Variants in ZFAT observed in about 807,000 individuals in gnomAD.
ZFAT encodes the protein zinc finger protein ZFAT.
Under a neutral mutation model 117.7 loss-of-function variants are expected in ZFAT, and 64 were observed. The observed-to-expected ratio is 0.54, with a 90% CI of 0.44 to 0.67. The LOEUF is 0.67. ZFAT is among the 30% of genes least tolerant of loss of function. The pLI, the probability that ZFAT is intolerant of heterozygous loss-of-function variation, is 0.00. For synonymous variants in ZFAT, 679 were observed against 615.0 expected (o/e 1.10, Z -1.54); for missense variants, 1,433 against 1,584.5 (o/e 0.90, Z 1.62).
chr8:134,728,414 A>G, the ZFAT span, among the ~76,000 whole-genome samples: 1 of 152,090 alleles, frequency 6.6e-6, no homozygotes, highest in Non-Finnish European at 1.5e-5. Context: ...TGCCCTTCAG[A>G]CTATCTAGTA....
chr8:134,714,418 G>A (rs1454577069), upstream of ZFAT, among the ~76,000 whole-genome samples: 1 of 152,066 alleles, frequency 6.6e-6, no homozygotes, highest in Non-Finnish European at 1.5e-5. Context: ...TGTTTTCTCA[G>A]CGCCTGTTGC....
Position 134,602,025 on chromosome 8 carries a change from G to A in ZFAT, c.1694C>T (p.Pro565Leu), listed in dbSNP as rs372568869. The A allele has an allele frequency of 1.3e-4, 210 of 1,612,012 alleles. 2 individuals are homozygous for A. The highest frequency in any genetic ancestry group is 9.7e-4 in the South Asian group (88 of 90,992). ...MPAPAVHLAS[P>L]QAESTALPPC... Reference sequence around the variant, plus strand: ...TGGCAGGGCTGTGCTTTCGGCCTGCGGGGAGGCCAGGTGCACAGCTGGGGC... The same window carrying A: ...TGGCAGGGCTGTGCTTTCGGCCTGCAGGGAGGCCAGGTGCACAGCTGGGGC... Residue 565 changes from proline (P) to leucine (L), a missense_variant, in exon 6 of 16, where the codon CCG becomes CTG. Around this residue, in one of 5 missense-constraint regions of ZFAT, gnomAD observed 372 missense variants for 355.6 expected, o/e 1.05. Coordinates refer to ENST00000377838, the MANE Select transcript of ZFAT (RefSeq NM_020863.4).
At chr8:134,744,372 G>A in the ZFAT span, among the ~76,000 whole-genome samples, 2 of 148,840 alleles carry the variant, frequency 1.3e-5, no homozygotes, top group Non-Finnish European at 3.0e-5. Flanking sequence ...CTTGGCTCAC[G>A]GCAACCTCTG....
At chr8:134,598,595 G>C (rs1028417686) in intron 7 of ZFAT, 2 of 152,312 alleles carry the variant, frequency 1.3e-5, no homozygotes, top group Admixed American at 6.5e-5. Context: ...TCACTGGGCT[G>C]AACCATGGGT....
the ZFAT span, among the ~76,000 whole-genome samples, chr8:134,728,872 T>C: frequency 6.6e-6 from 1 of 152,208 alleles, no homozygotes; most frequent in Non-Finnish European, 1.5e-5. Context: ...TTATAGTAAA[T>C]TTTTGATGCT....
intron 11 of ZFAT, among the ~76,000 whole-genome samples, chr8:134,551,138 G>A (rs1334832758): frequency 1.3e-5 from 2 of 152,164 alleles, no homozygotes; most frequent in East Asian, 1.9e-4. Context: ...AAGGACAAAG[G>A]GGTAAATAAG....
At chr8:134,622,846 C>T (rs997543408) in intron 3 of ZFAT, among the ~76,000 whole-genome samples, 5 of 152,104 alleles carry the variant, frequency 3.3e-5, no homozygotes, top group Non-Finnish European at 7.4e-5. Flanking sequence ...TACCAAAGGC[C>T]ACAGCTCTCT....
At position 134,647,900 on chromosome 8, in the gene ZFAT, T is replaced by C. The variant is rs546558438; in HGVS notation, c.196+9661A>G. Among the ~76,000 whole-genome samples, 25 of 152,278 alleles carry C rather than the reference T, an allele frequency of 1.6e-4. No individual in the cohort carries two copies. In the South Asian group the frequency reaches 4.8e-3, roughly 29 times the overall value. ...CATTTATGGATCAGAAGAATTAATA[T>C]TGTTAAAATGTTCATACTAACAAAA... On this transcript the variant is annotated intron_variant, in intron 2 of 15. Transcript: ENST00000377838.
At chr8:134,832,130 G>A in the ZFAT span, among the ~76,000 whole-genome samples, 2 of 150,024 alleles carry the variant, frequency 1.3e-5, no homozygotes, top group Non-Finnish European at 3.0e-5. Flanking sequence ...CAGGGTGAGG[G>A]GCGCGCGAGG....
At chr8:134,621,325 A>C (rs1009780374) in intron 3 of ZFAT, among the ~76,000 whole-genome samples, 2 of 152,018 alleles carry the variant, frequency 1.3e-5, no homozygotes, top group African/African-American at 2.4e-5. Flanking sequence ...ATATCACAGA[A>C]GGGAGATCAA....
intron 15 of ZFAT, among the ~76,000 whole-genome samples, chr8:134,489,898 G>A (rs936326425): frequency 4.6e-5 from 7 of 152,052 alleles, no homozygotes; most frequent in African/African-American, 9.7e-5. Flanking sequence ...TCCTCTTCTC[G>A]GTAGAAGGCA....
At chr8:134,531,387 T>A (rs113135420) in intron 12 of ZFAT, among the ~76,000 whole-genome samples, 6,349 of 152,320 alleles carry the variant, frequency 0.042, 250 homozygotes, top group Admixed American at 0.14. Context: ...CCTCTGTGAT[T>A]CCTGGACATG....
At chr8:134,524,788 T>A (rs1047127648) in intron 12 of ZFAT, among the ~76,000 whole-genome samples, 10 of 152,202 alleles carry the variant, frequency 6.6e-5, no homozygotes, top group African/African-American at 2.2e-4. Context: ...TCAGCTAACA[T>A]CCTCATTGGT....
chr8:134,754,732 C>A, the ZFAT span, among the ~76,000 whole-genome samples: 1 of 152,348 alleles, frequency 6.6e-6, no homozygotes, highest in South Asian at 2.1e-4. Context: ...AGCCCATGGG[C>A]TCTGAATAGG....
At chr8:134,695,883 C>T (rs1370957908) in intron 1 of ZFAT, among the ~76,000 whole-genome samples, 2 of 147,236 alleles carry the variant, frequency 1.4e-5, no homozygotes, top group Non-Finnish European at 3.0e-5. Flanking sequence ...GGAGGTACCA[C>T]CACCCCCAGG....
chr8:134,478,362 G>C lies in ZFAT; in HGVS notation c.*120C>G. 7.0e-7 allele frequency: 1 copy of C among 1,421,586 alleles called. No individual in the cohort carries two copies. The allele number at this position is 1,421,586 out of a possible 1,614,324, so 88.1% of individuals were successfully genotyped here. A position where few individuals can be genotyped will look rare whatever the true frequency, so the allele number is the denominator to read the frequency against. On this transcript the variant is annotated 3_prime_UTR_variant, in exon 16 of 16. Transcript: ENST00000377838. The surrounding 1 kb of genome is among the most constrained non-coding windows in gnomAD (Gnocchi z 5.2). ...CTAGGAGAGTCCTATCAGGCTGCTGGGCAGGGAGGGCAAAGGAGAGCACCA... is the reference window on the plus strand; with the variant it reads ...CTAGGAGAGTCCTATCAGGCTGCTGCGCAGGGAGGGCAAAGGAGAGCACCA...
At chr8:134,642,815 G>T (rs1189620681) in intron 2 of ZFAT, among the ~76,000 whole-genome samples, 1 of 152,222 alleles carries the variant, frequency 6.6e-6, no homozygotes, top group African/African-American at 2.4e-5. Context: ...TTAAGGCCCT[G>T]ACAGTCAATC....
chr8:134,671,800 G>C (rs1210057935), intron 1 of ZFAT, among the ~76,000 whole-genome samples: 3 of 152,196 alleles, frequency 2.0e-5, no homozygotes, highest in African/African-American at 7.2e-5. Context: ...ATTAGGAAAA[G>C]AGGAAGTCAA....
the ZFAT span, among the ~76,000 whole-genome samples, chr8:134,764,574 C>T: frequency 1.3e-5 from 2 of 152,128 alleles, no homozygotes; most frequent in African/African-American, 4.8e-5. Flanking sequence ...TTATTAGAGA[C>T]AATAGGAATA....
Sources: allele counts gnomAD v4.1 joint callset (sites outside exome capture counted in the v4.1 genomes callset), GRCh38; gene constraint gnomAD v4.1.1; regional missense constraint gnomAD v4.1.1; non-coding constraint Gnocchi (gnomAD v3.1); transcripts MANE v1.5; gene names NCBI Gene and HGNC (gene_info 2026-07-23, HGNC 2026-07-21).